ATXN2: variants seen among roughly 807,000 people sequenced by gnomAD.
ATXN2 encodes the protein ataxin-2.
In ATXN2, 37 loss-of-function variants were observed where a neutral mutation model predicts 138.6. The observed-to-expected ratio is 0.27, with a 90% CI of 0.21 to 0.35. The LOEUF (loss-of-function observed/expected upper bound fraction) is 0.35. ATXN2 is among the 10% of genes least tolerant of loss of function. The pLI, the probability that ATXN2 is intolerant of heterozygous loss-of-function variation, is 1.00. For missense variants in ATXN2, 1,216 were observed against 1,480.3 expected, an observed-to-expected ratio of 0.82 and a Z score of 2.93; for synonymous variants, 549 against 543.7, an observed-to-expected ratio of 1.01 and a Z score of -0.13.
rs529480297 is a variant in ATXN2 at position 111,499,889 on chromosome 12, T to C, written c.1935+9660A>G. Among the ~76,000 whole-genome samples, 4 of 151,948 alleles carry C rather than the reference T, an allele frequency of 2.6e-5. No individual in the cohort carries two copies. In the South Asian group the frequency reaches 6.3e-4, roughly 24 times the overall value. On this transcript the variant is annotated intron_variant, in intron 14 of 24. Coordinates refer to ENST00000673436, the MANE Select transcript of ATXN2 (RefSeq NM_001372574.1). ...TCAATACTACTGATCACCAGAAAAA[T>C]GGAAATTAAAACTACAACAAGATAT...
At chr12:111,583,470 G>T (rs769267794) in intron 1 of ATXN2, among the ~76,000 whole-genome samples, 9 of 151,672 alleles carry the variant, frequency 5.9e-5, no homozygotes, top group Admixed American at 6.6e-5. Flanking sequence ...TTTAGTTACT[G>T]AAGAGTGAAC....
intron 11 of ATXN2, 59 bp from the exon 12 acceptor site, chr12:111,510,641 G>A: frequency 6.9e-7 from 1 of 1,454,552 alleles, no homozygotes; most frequent in Non-Finnish European, 9.4e-7. Context: ...CTTCCTAAAA[G>A]AGGCTTCAGG....
chr12:111,509,547 A>G lies in ATXN2; in HGVS notation c.1935+2T>C. ...AAATTCATCAGTTAGTACAATACTT[A>G]CCCTAAAATCATTCTTAAATTTCTT... is the stretch of plus-strand genomic sequence containing the variant. On this transcript the variant is annotated splice_donor_variant, in intron 14 of 24. Coordinates refer to ENST00000673436, the MANE Select transcript of ATXN2 (RefSeq NM_001372574.1). LOFTEE classifies it high-confidence loss of function. The G allele has an allele frequency of 7.0e-7, 1 of 1,419,084 alleles. No homozygotes were observed. The highest frequency in any genetic ancestry group is 9.8e-7 in the Non-Finnish European group (1 of 1,024,136). The allele number at this position is 1,419,084 out of a possible 1,614,324, so 87.9% of individuals were successfully genotyped here.
intron 19 of ATXN2, 38 bp downstream of exon 19, chr12:111,470,520 T>C (rs1876334214): frequency 1.3e-6 from 2 of 1,592,166 alleles, no homozygotes; most frequent in Non-Finnish European, 1.7e-6. Flanking sequence ...TTTTTTTATA[T>C]GGTACAAAAA....
chr12:111,533,580 C>T lies in ATXN2; in HGVS notation c.572-8264G>A, dbSNP rs116825122. On this transcript the variant is annotated intron_variant, in intron 5 of 24. Transcript: ENST00000673436. ...ACACTCTGTTGCGCAGGCTGGAGTG[C>T]AGTGACACAATCTCAGCTCATGGAA... 9.4e-3 allele frequency among the ~76,000 whole-genome samples: 1,422 copies of T among 151,858 alleles called. 26 individuals are homozygous for T. The highest frequency in any genetic ancestry group is 0.032 in the African/African-American group (1,341 of 41,338).
chr12:111,520,861 A>G, intron 7 of ATXN2, 21 bp downstream of exon 7: 1 of 1,426,124 alleles, frequency 7.0e-7, no homozygotes, highest in Non-Finnish European at 9.6e-7. Context: ...ACTAAAATAA[A>G]AACAAACTTT....
At chr12:111,585,630 C>A (rs1884281490) in intron 1 of ATXN2, among the ~76,000 whole-genome samples, 1 of 151,728 alleles carries the variant, frequency 6.6e-6, no homozygotes, top group Non-Finnish European at 1.5e-5. Context: ...AATGGGGAAA[C>A]CCCGTCTCTA....
At chr12:111,499,556 T>A (rs759161089) in intron 14 of ATXN2, among the ~76,000 whole-genome samples, 2 of 149,636 alleles carry the variant, frequency 1.3e-5, no homozygotes, top group Non-Finnish European at 1.5e-5. Flanking sequence ...ATACAAAAAT[T>A]AGGCAGACAT....
Position 111,598,976 on chromosome 12 carries a change from TGTTGCTGCTGCTGC to T in ATXN2, c.45_58del (p.Gln16AlafsTer69), listed in dbSNP as rs1566091060. On this transcript the variant is annotated frameshift_variant, in exon 1 of 25. Coordinates refer to ENST00000673436, the MANE Select transcript of ATXN2 (RefSeq NM_001372574.1). LOFTEE classifies it high-confidence loss of function. The surrounding 1 kb of genome is among the most constrained non-coding windows in gnomAD (Gnocchi z 4.5). ...CTGCTGCTGCTGCTGCTGCTGCTGC[TGTTGCTGCTGCTGC>T]TGCTGCTGCTGCTGCTGCTGCTGCT... 79 of 1,433,294 alleles carry T rather than the reference TGTTGCTGCTGCTGC, an allele frequency of 5.5e-5. No individual in the cohort carries two copies. The highest frequency in any genetic ancestry group is 2.0e-4 in the South Asian group (15 of 75,808). 88.8% of individuals were successfully genotyped at this position (1,433,294 alleles called of 1,614,324 possible). A position where few individuals can be genotyped will look rare whatever the true frequency, so the allele number is the denominator to read the frequency against.
chr12:111,564,838 A>G (rs941030714), intron 1 of ATXN2: 1 of 152,214 alleles, frequency 6.6e-6, no homozygotes, highest in African/African-American at 2.4e-5. Context: ...TTTCTGGTAA[A>G]GACTGGAAAA....
At chr12:111,460,242 T>G (rs1475004252) in intron 21 of ATXN2, among the ~76,000 whole-genome samples, 36 of 152,220 alleles carry the variant, frequency 2.4e-4, no homozygotes, top group Non-Finnish European at 1.0e-4. Flanking sequence ...TGGCTAACTT[T>G]TTTGTATTTT....
intron 1 of ATXN2, among the ~76,000 whole-genome samples, chr12:111,579,406 G>A (rs1459158376): frequency 6.6e-6 from 1 of 152,086 alleles, no homozygotes. Flanking sequence ...AGGATTACAG[G>A]CATGCGCCAC....
chr12:111,489,019 G>GT (rs1277231872), intron 14 of ATXN2, among the ~76,000 whole-genome samples: 3 of 152,084 alleles, frequency 2.0e-5, no homozygotes, highest in Non-Finnish European at 4.4e-5. Context: ...TATTTACTGA[G>GT]TGCTTACCAC....
In ATXN2 at chr12:111,485,810, G is replaced by C. The variant is rs1181961744; in HGVS notation, c.2360C>G (p.Ser787Cys). The C allele has an allele frequency of 6.2e-7, 1 of 1,614,062 alleles. No homozygotes were observed. The highest frequency in any genetic ancestry group is 8.5e-7 in the Non-Finnish European group (1 of 1,180,032). ...SPRPQAQPSP[S>C]MVGHQQPTPV... is the part of the protein sequence containing the mutation. ...AGTTGGCTGTTGATGACCCACCATA[G>C]ATGGGCTAGGTTGTGCTTGAGGCCG... Residue 787 changes from serine (S) to cysteine (C), a missense_variant, in exon 17 of 25, where the codon TCT (serine) becomes TGT (cysteine). By Grantham distance (112) the Ser-to-Cys change is moderately radical. Coordinates refer to ENST00000673436, the MANE Select transcript of ATXN2 (RefSeq NM_001372574.1).
At chr12:111,562,816 A>G (rs1315757318) in intron 1 of ATXN2, among the ~76,000 whole-genome samples, 2 of 152,132 alleles carry the variant, frequency 1.3e-5, no homozygotes, top group African/African-American at 4.8e-5. Context: ...GTTTCAGGCA[A>G]AAGTGTCCAC....
At chr12:111,574,160 T>C (rs571446170) in intron 1 of ATXN2, among the ~76,000 whole-genome samples, 2 of 151,398 alleles carry the variant, frequency 1.3e-5, no homozygotes, top group Non-Finnish European at 2.9e-5. Context: ...ACAAAAAAAT[T>C]AGCCGGGCGT....
chr12:111,534,312 A>G (rs1210809928), intron 5 of ATXN2, among the ~76,000 whole-genome samples: 1 of 151,788 alleles, frequency 6.6e-6, no homozygotes, highest in Admixed American at 6.6e-5. Flanking sequence ...GAGGTGGGAG[A>G]ATCACTTGAG....
At chr12:111,466,159 CCTT>C (rs1875998422) in intron 20 of ATXN2, among the ~76,000 whole-genome samples, 1 of 139,672 alleles carries the variant, frequency 7.2e-6, no homozygotes, top group African/African-American at 2.8e-5. Context: ...GAGGGAGACT[CCTT>C]CTCAAAAATT....
intron 14 of ATXN2, 86 bp from the exon 15 acceptor site, chr12:111,488,866 A>G: frequency 9.0e-7 from 1 of 1,107,914 alleles, no homozygotes; most frequent in Non-Finnish European, 1.3e-6. Context: ...CGTAATATTA[A>G]CTATACGCAT....
Sources: gnomAD v4.1 joint callset for allele counts (sites outside exome capture counted in the v4.1 genomes callset) on GRCh38, gnomAD v4.1.1 for gene constraint, Gnocchi (gnomAD v3.1) non-coding constraint, MANE v1.5 for transcripts, NCBI Gene and HGNC (gene_info 2026-07-23, HGNC 2026-07-21) for gene names.